Variants in SDK1 observed in about 807,000 individuals in gnomAD.
The protein encoded by SDK1 is protein sidekick-1.
In SDK1, 157 loss-of-function variants were observed where a neutral mutation model predicts 245.5. That is an observed-to-expected ratio of 0.64 (90% confidence interval 0.56 to 0.73). The LOEUF is 0.73. SDK1 is among the 30% of genes least tolerant of loss of function. The pLI is 0.00. For missense variants in SDK1, 3,583 were observed against 3,002.3 expected, an observed-to-expected ratio of 1.19 and a Z score of -4.52; for synonymous variants, 1,647 against 1,278.5, an observed-to-expected ratio of 1.29 and a Z score of -6.15.
At chr7:3,590,498 C>T (rs1372085397) in intron 1 of SDK1, among the ~76,000 whole-genome samples, 1 of 152,068 alleles carries the variant, frequency 6.6e-6, no homozygotes, top group African/African-American at 2.4e-5. Flanking sequence ...TTTCATTTAG[C>T]TTCCAAAATG....
chr7:3,458,578 C>G (rs187828521), intron 1 of SDK1, among the ~76,000 whole-genome samples: 2 of 151,578 alleles, frequency 1.3e-5, no homozygotes, highest in East Asian at 3.9e-4. Flanking sequence ...ACAGTTGTGG[C>G]AAGAAACAGA....
rs1305554935 is a variant in SDK1, at chr7:3,362,076, A to G, written c.298+60192A>G. ...GATAGAAAGGAAAGGAGAGAAAAATAATTTTTCTGAGTGAAGGGACCTAGT... is the reference window on the plus strand; with the variant it reads ...GATAGAAAGGAAAGGAGAGAAAAATGATTTTTCTGAGTGAAGGGACCTAGT... On this transcript the variant is annotated intron_variant, in intron 1 of 44. Transcript: ENST00000404826. 2.0e-5 allele frequency among the ~76,000 whole-genome samples: 3 copies of G among 152,170 alleles called. 1 individual carries two copies. The highest frequency in any genetic ancestry group is 4.1e-4 in the South Asian group (2 of 4,828).
At chr7:4,067,149 G>A (rs1168082021) in intron 19 of SDK1, among the ~76,000 whole-genome samples, 1 of 152,216 alleles carries the variant, frequency 6.6e-6, no homozygotes, top group East Asian at 1.9e-4. Flanking sequence ...AGACTAAGGT[G>A]TCGAGAGTGT....
At chr7:3,320,989 G>A (rs993121426) in intron 1 of SDK1, among the ~76,000 whole-genome samples, 6 of 152,002 alleles carry the variant, frequency 3.9e-5, no homozygotes, top group Non-Finnish European at 5.9e-5. Context: ...AGACACAATC[G>A]TGAAGCTCAG....
At chr7:3,366,248 A>C (rs1781087965) in intron 1 of SDK1, among the ~76,000 whole-genome samples, 1 of 152,084 alleles carries the variant, frequency 6.6e-6, no homozygotes, top group Non-Finnish European at 1.5e-5. Context: ...GTATCACCCT[A>C]TAGGTAACCA....
intron 4 of SDK1, among the ~76,000 whole-genome samples, chr7:3,799,759 C>T (rs542157409): frequency 6.6e-6 from 1 of 150,964 alleles, no homozygotes; most frequent in Admixed American, 6.6e-5. Flanking sequence ...ATACTGGGCT[C>T]GTGACTTCTC....
intron 1 of SDK1, among the ~76,000 whole-genome samples, chr7:3,468,793 C>A (rs1781091530): frequency 6.6e-6 from 1 of 152,096 alleles, no homozygotes; most frequent in South Asian, 2.1e-4. Flanking sequence ...TGGACAACTT[C>A]CCTAGTATCT....
At chr7:3,430,691 C>A (rs921421715) in intron 1 of SDK1, among the ~76,000 whole-genome samples, 1 of 152,202 alleles carries the variant, frequency 6.6e-6, no homozygotes, top group Non-Finnish European at 1.5e-5. Flanking sequence ...ACTGACCCAA[C>A]TGGAGTTCGT....
intron 1 of SDK1, among the ~76,000 whole-genome samples, chr7:3,323,406 A>G (rs1779865937): frequency 6.6e-6 from 1 of 152,250 alleles, no homozygotes; most frequent in African/African-American, 2.4e-5. Context: ...AGATAGGAAG[A>G]AAATATGTGG....
rs572605407 is a variant in SDK1 at position 4,192,920 on chromosome 7, T to C, written c.5099-12959T>C. 6.6e-5 allele frequency among the ~76,000 whole-genome samples: 10 copies of C among 151,048 alleles called. No individual in the cohort carries two copies. The East Asian group carries it at 1.6e-3, about 23-fold the overall frequency. On this transcript the variant is annotated intron_variant, in intron 35 of 44. Coordinates refer to ENST00000404826, the MANE Select transcript of SDK1 (RefSeq NM_152744.4). ...TCATATCATTTTATTCACAAATACT[T>C]TTACCATATATCCCTATAATAACTC... is the stretch of plus-strand genomic sequence containing the variant.
chr7:3,750,639 A>G (rs1034048717), intron 4 of SDK1, among the ~76,000 whole-genome samples: 1 of 152,256 alleles, frequency 6.6e-6, no homozygotes, highest in Non-Finnish European at 1.5e-5. Flanking sequence ...AAGAGGAAGC[A>G]TCAGCGCTCT....
chr7:4,167,010 G>T (rs1369884222), intron 32 of SDK1, among the ~76,000 whole-genome samples: 1 of 152,146 alleles, frequency 6.6e-6, no homozygotes, highest in Admixed American at 6.5e-5. Flanking sequence ...GCTCCAAGGT[G>T]CCCACCCTCC....
intron 4 of SDK1, among the ~76,000 whole-genome samples, chr7:3,786,447 A>C (rs567730021): frequency 2.4e-4 from 36 of 152,292 alleles, no homozygotes; most frequent in African/African-American, 6.7e-4. Context: ...TGTGTTCAGG[A>C]CCTTAAATCC....
Position 3,709,831 on chromosome 7 carries a change from A to AGCTGTAGGCTCTCTCCTCCT in SDK1, c.713+67732_713+67751dup, listed in dbSNP as rs1784992673. Among the ~76,000 whole-genome samples, 5 of 152,346 alleles carry AGCTGTAGGCTCTCTCCTCCT rather than the reference A, an allele frequency of 3.3e-5. No homozygotes were observed. In the South Asian group the frequency reaches 1.0e-3, roughly 32 times the overall value. On this transcript the variant is annotated intron_variant, in intron 4 of 44. Coordinates refer to ENST00000404826, the MANE Select transcript of SDK1 (RefSeq NM_152744.4). Reference sequence around the variant, plus strand: ...GGAACTTGGCCCACCAAAGGGTAGAAGCTGTAGGCTCTCTCCTCCTGCTGT... The same window carrying AGCTGTAGGCTCTCTCCTCCT: ...GGAACTTGGCCCACCAAAGGGTAGAAGCTGTAGGCTCTCTCCTCCTGCTGTAGGCTCTCTCCTCCTGCTGT...
chr7:3,410,791 T>G (rs1194746190), intron 1 of SDK1, among the ~76,000 whole-genome samples: 1 of 152,022 alleles, frequency 6.6e-6, no homozygotes, highest in African/African-American at 2.4e-5. Context: ...TTCACCATTT[T>G]GGCCATGCTG....
intron 4 of SDK1, among the ~76,000 whole-genome samples, chr7:3,673,539 G>A (rs1380932638): frequency 3.3e-5 from 5 of 152,252 alleles, no homozygotes; most frequent in Admixed American, 2.6e-4. Flanking sequence ...AGGCCCCGCC[G>A]GCCTGTTATT....
intron 1 of SDK1, among the ~76,000 whole-genome samples, chr7:3,558,559 G>T (rs572399949): frequency 1.3e-5 from 2 of 152,366 alleles, no homozygotes; most frequent in Non-Finnish European, 2.9e-5. Context: ...TACAGGCCAT[G>T]TGGACAGGGA....
At position 3,863,309 on chromosome 7, in the gene SDK1, C is replaced by G. The variant is rs113285998; in HGVS notation, c.847+41726C>G. Among the ~76,000 whole-genome samples, 156 of 152,300 alleles carry G rather than the reference C, an allele frequency of 1.0e-3. 3 individuals are homozygous for G. The highest frequency in any genetic ancestry group is 3.6e-3 in the African/African-American group (148 of 41,566). ...AGAGACCTTTCCAGTGAGGGAAATT[C>G]TGCCTGAAACTTTTCTCCACTTGTC... On this transcript the variant is annotated intron_variant, in intron 5 of 44. Transcript: ENST00000404826.
At chr7:3,970,723 A>T (rs1782427593) in intron 11 of SDK1, among the ~76,000 whole-genome samples, 1 of 152,214 alleles carries the variant, frequency 6.6e-6, no homozygotes, top group African/African-American at 2.4e-5. Context: ...TGCCCACTTT[A>T]ACCTGTACAA....
Sources: allele counts gnomAD v4.1 joint callset (sites outside exome capture counted in the v4.1 genomes callset), GRCh38; gene constraint gnomAD v4.1.1; transcripts MANE v1.5; gene names NCBI Gene and HGNC (gene_info 2026-07-23, HGNC 2026-07-21).